Variants in TTC28 observed in about 807,000 individuals in gnomAD.
TTC28 encodes the protein tetratricopeptide repeat domain 28, also known as tetratricopeptide repeat protein 28.
Under a neutral mutation model 198.0 loss-of-function variants are expected in TTC28, and 61 were observed. The ratio of observed to expected loss-of-function variants is 0.31; its 90% confidence interval spans 0.25 to 0.38. The LOEUF is 0.38. TTC28 is among the 10% of genes least tolerant of loss of function. TTC28 has a pLI of 1.00. For missense variants in TTC28, 2,678 were observed against 3,164.0 expected (o/e 0.85, Z 3.69); for synonymous variants, 1,171 against 1,297.8 (o/e 0.90, Z 2.10).
intron 2 of TTC28, among the ~76,000 whole-genome samples, chr22:28,513,087 C>T (rs2146399733): frequency 6.7e-6 from 1 of 148,982 alleles, no homozygotes; most frequent in South Asian, 2.1e-4. Flanking sequence ...ATCAGGCGAT[C>T]CTCTCACCTC....
intron 12 of TTC28, among the ~76,000 whole-genome samples, chr22:28,071,749 A>AAAAAAAAAAAAAAAAAAAAAAAAAC (rs1940983982): frequency 9.3e-6 from 1 of 107,456 alleles, no homozygotes; most frequent in Non-Finnish European, 1.8e-5. Flanking sequence ...AAAAAAAAGG[A>AAAAAAAAAAAAAAAAAAAAAAAAAC]AAAAAAAAAA....
intron 2 of TTC28, among the ~76,000 whole-genome samples, chr22:28,418,601 C>T (rs2047200167): frequency 6.6e-6 from 1 of 152,058 alleles, no homozygotes; most frequent in South Asian, 2.1e-4. Context: ...TGGAGTCAAA[C>T]ATAGAACAGA....
At chr22:28,057,561 C>T (rs1419079348) in intron 12 of TTC28, among the ~76,000 whole-genome samples, 3 of 151,996 alleles carry the variant, frequency 2.0e-5, no homozygotes, top group African/African-American at 7.2e-5. Flanking sequence ...TGTGGCTTGC[C>T]TATCCATTTT....
At chr22:28,083,959 G>A (rs1283203064) in intron 12 of TTC28, among the ~76,000 whole-genome samples, 1 of 152,264 alleles carries the variant, frequency 6.6e-6, no homozygotes, top group African/African-American at 2.4e-5. Flanking sequence ...AAGCGAGGCT[G>A]TGGGAGGGGC....
intron 1 of TTC28, among the ~76,000 whole-genome samples, chr22:28,672,655 G>A (rs2051908436): frequency 6.6e-6 from 1 of 152,156 alleles, no homozygotes; most frequent in Non-Finnish European, 1.5e-5. Context: ...GAAAGAGAAA[G>A]CAACAATAAT....
At chr22:28,516,851 T>C (rs1302712888) in intron 2 of TTC28, among the ~76,000 whole-genome samples, 6 of 152,224 alleles carry the variant, frequency 3.9e-5, no homozygotes, top group African/African-American at 1.4e-4. Flanking sequence ...TACTTCACAA[T>C]GTATTCATAT....
chr22:28,408,152 C>A (rs1358528427), intron 2 of TTC28, among the ~76,000 whole-genome samples: 3 of 151,652 alleles, frequency 2.0e-5, no homozygotes, highest in Non-Finnish European at 2.9e-5. Flanking sequence ...AAGAGTTGCA[C>A]AGGACTGAAA....
intron 6 of TTC28, among the ~76,000 whole-genome samples, chr22:28,110,856 G>A (rs1942461578): frequency 6.6e-6 from 1 of 151,562 alleles, no homozygotes; most frequent in Admixed American, 6.6e-5. Context: ...GATCATTTGA[G>A]CTCAGAAGTT....
Position 28,190,309 on chromosome 22 carries a change from C to T in TTC28, c.934-26710G>A, listed in dbSNP as rs116827300. On this transcript the variant is annotated intron_variant, in intron 5 of 22. Coordinates refer to ENST00000397906, the MANE Select transcript of TTC28 (RefSeq NM_001145418.2). ...CTACACGACAGATAATATTTTCATC[C>T]CCACTTTATAGCAGAGGTTAAGTGA... is the stretch of plus-strand genomic sequence containing the variant. 1.7e-3 allele frequency among the ~76,000 whole-genome samples: 259 copies of T among 152,236 alleles called. 2 individuals carry two copies. The highest frequency in any genetic ancestry group is 6.1e-3 in the African/African-American group (252 of 41,522).
At chr22:28,309,186 T>C (rs2045205398) in intron 2 of TTC28, among the ~76,000 whole-genome samples, 1 of 152,162 alleles carries the variant, frequency 6.6e-6, no homozygotes, top group Non-Finnish European at 1.5e-5. Flanking sequence ...GGGAAAAGAA[T>C]CTTAATAAGA....
At chr22:28,314,917 T>C (rs972487572) in intron 2 of TTC28, among the ~76,000 whole-genome samples, 24 of 152,178 alleles carry the variant, frequency 1.6e-4, no homozygotes, top group Non-Finnish European at 2.1e-4. Flanking sequence ...AGATTGGCTG[T>C]GTACTGGGGA....
In TTC28 at chr22:28,168,605, A is replaced by G. The variant is rs1385418411; in HGVS notation, c.934-5006T>C. On this transcript the variant is annotated intron_variant, in intron 5 of 22. Transcript: ENST00000397906. ...CCTATTTAATAAATGGTGCTGGGAA[A>G]ACTGGCTAGCCATATGTAGAAAGCT... 9.2e-5 allele frequency among the ~76,000 whole-genome samples: 14 copies of G among 152,276 alleles called. No individual in the cohort carries two copies. In the East Asian group the frequency reaches 2.7e-3, roughly 29 times the overall value.
intron 2 of TTC28, among the ~76,000 whole-genome samples, chr22:28,558,547 T>C (rs181230582): frequency 6.6e-6 from 1 of 152,198 alleles, no homozygotes; most frequent in East Asian, 1.9e-4. Context: ...TGGTGGCGCA[T>C]GCCTGTAATC....
intron 2 of TTC28, among the ~76,000 whole-genome samples, chr22:28,520,871 G>A (rs1253962003): frequency 6.6e-6 from 1 of 151,814 alleles, no homozygotes; most frequent in Non-Finnish European, 1.5e-5. Flanking sequence ...TGGCCAACAT[G>A]GTAAAACCCC....
Position 28,618,039 on chromosome 22 carries a change from G to A in TTC28, c.381+11513C>T, listed in dbSNP as rs867509528. Among the ~76,000 whole-genome samples, 10 of 152,168 alleles carry A rather than the reference G, an allele frequency of 6.6e-5. 1 individual carries two copies. The highest frequency in any genetic ancestry group is 1.3e-4 in the Admixed American group (2 of 15,266). On this transcript the variant is annotated intron_variant, in intron 2 of 22. Transcript: ENST00000397906. ...TGCAATCCCAGCACTTTGGGGGGCC[G>A]AGGCAGGTGGATCATCTGAGGTCAG...
In TTC28 at chr22:28,045,895, C is replaced by T. The variant is rs540294184; in HGVS notation, c.3933-15529G>A. On this transcript the variant is annotated intron_variant, in intron 12 of 22. Transcript: ENST00000397906. ...AGGAGAATCACTTGAATGCAGGAGG[C>T]GGAGCTGGAAGTTGCAGTGAGCCGA... Among the ~76,000 whole-genome samples, 4 of 152,206 alleles carry T rather than the reference C, an allele frequency of 2.6e-5. No homozygotes were observed. In the East Asian group the frequency reaches 5.8e-4, roughly 22 times the overall value.
At chr22:28,260,709 T>C (rs1207555147) in intron 5 of TTC28, among the ~76,000 whole-genome samples, 1 of 152,178 alleles carries the variant, frequency 6.6e-6, no homozygotes, top group African/African-American at 2.4e-5. Context: ...CTTGTGTAAC[T>C]TGTTTGGCAT....
intron 2 of TTC28, among the ~76,000 whole-genome samples, chr22:28,307,418 C>T (rs1034350101): frequency 4.3e-4 from 66 of 152,048 alleles, no homozygotes; most frequent in African/African-American, 1.4e-3. Context: ...TTCTCTTTCT[C>T]GTTCTTTTAA....
At chr22:28,524,408 C>A (rs574619995) in intron 2 of TTC28, among the ~76,000 whole-genome samples, 1 of 148,598 alleles carries the variant, frequency 6.7e-6, no homozygotes, top group Non-Finnish European at 1.5e-5. Flanking sequence ...TGCAGTGAGC[C>A]GAGATCGCGC....
Sources: allele counts gnomAD v4.1 joint callset (sites outside exome capture counted in the v4.1 genomes callset), GRCh38; gene constraint gnomAD v4.1.1; transcripts MANE v1.5; gene names NCBI Gene and HGNC (gene_info 2026-07-23, HGNC 2026-07-21).